Variants in HTR7 observed in about 807,000 individuals in gnomAD.
The protein encoded by HTR7 is 5-HT-7.
A neutral mutation model predicts 34.0 loss-of-function variants in HTR7; 16 were observed. That is an observed-to-expected ratio of 0.47 (90% CI 0.32 to 0.71). The LOEUF is 0.71. Among genes scored for constraint, HTR7 ranks in the 30% least tolerant of loss-of-function variants. The pLI, the probability that HTR7 is intolerant of heterozygous loss-of-function variation, is 0.04. For synonymous variants in HTR7, 265 were observed against 260.2 expected (o/e 1.02, Z -0.18); for missense variants, 504 against 625.5 (o/e 0.81, Z 2.07).
chr10:90,831,330 G>A (rs368837056), intron 1 of HTR7, among the ~76,000 whole-genome samples: 2 of 152,106 alleles, frequency 1.3e-5, no homozygotes, highest in South Asian at 2.1e-4. Flanking sequence ...TCATGGTCTC[G>A]CTGACTCAGG....
chr10:90,778,934 C>T (rs1042962535), intron 1 of HTR7, among the ~76,000 whole-genome samples: 2 of 152,162 alleles, frequency 1.3e-5, no homozygotes, highest in Non-Finnish European at 2.9e-5. Flanking sequence ...CCTCAGGCAC[C>T]CTGACCTTTG....
At position 90,857,364 on chromosome 10, in the gene HTR7, A is replaced by G; in HGVS notation, c.308T>C (p.Val103Ala). ...CTTCTTGACGAAGCACACGGAGATC[A>G]CCACCAGGCAGTTGCCCGCGATCGT... ...LLTIAGNCLV[V>A]ISVCFVKKLR... The change falls in exon 1 of 4, where the codon GTG becomes GCG. Residue 103 changes from valine to alanine, a missense_variant. Physicochemically the swap from Val to Ala is moderately conservative, Grantham distance 64. This residue lies in a region of HTR7 where 154 missense variants were observed against 248.8 expected (regional missense o/e 0.62). Coordinates refer to ENST00000336152, the MANE Select transcript of HTR7 (RefSeq NM_019859.4). This position sits in a 1 kb window ranked among gnomAD's most constrained non-coding sequence, Gnocchi z 6.5. 6.2e-7 allele frequency: 1 copy of G among 1,614,058 alleles called. No homozygotes were observed.
intron 1 of HTR7, among the ~76,000 whole-genome samples, chr10:90,768,766 T>C (rs12762083): frequency 0.037 from 5,626 of 152,294 alleles, 169 homozygotes; most frequent in East Asian, 0.11. Flanking sequence ...TCATTCTTAT[T>C]CTCATGTCCA....
intron 1 of HTR7, among the ~76,000 whole-genome samples, chr10:90,814,437 T>C (rs1049647222): frequency 4.6e-5 from 7 of 152,190 alleles, no homozygotes; most frequent in Non-Finnish European, 7.3e-5. Flanking sequence ...CCGTAGCAAA[T>C]TGGCTGTTTC....
chr10:90,834,270 C>A (rs1405788352), intron 1 of HTR7, among the ~76,000 whole-genome samples: 2 of 152,170 alleles, frequency 1.3e-5, no homozygotes, highest in African/African-American at 4.8e-5. Context: ...TGCTCCTACC[C>A]TTGGAGTATC....
intron 1 of HTR7, among the ~76,000 whole-genome samples, chr10:90,843,963 A>C (rs1846370194): frequency 6.6e-6 from 1 of 152,254 alleles, no homozygotes. Flanking sequence ...GCTTTATTGG[A>C]ACACAGCCAC....
chr10:90,844,902 T>C (rs916657147), intron 1 of HTR7, among the ~76,000 whole-genome samples: 1 of 151,960 alleles, frequency 6.6e-6, no homozygotes, highest in East Asian at 1.9e-4. Context: ...CCCCAAGCAC[T>C]GGTATAAAGT....
rs1392171844 is a variant in HTR7 at position 90,743,601 on chromosome 10, C to A, written c.1385G>T (p.Trp462Leu). 6.2e-6 allele frequency: 10 copies of A among 1,613,434 alleles called. No individual in the cohort carries two copies. The highest frequency in any genetic ancestry group is 8.5e-6 in the Non-Finnish European group (10 of 1,179,482). Residue 462 changes from tryptophan to leucine, a missense_variant, in exon 3 of 4, where the codon TGG (tryptophan) becomes TTG (leucine). Trp to Leu is a moderately conservative substitution (Grantham distance 61). This residue lies in a region of HTR7 where 154 missense variants were observed against 212.1 expected (regional missense o/e 0.73). Transcript: ENST00000336152. ...WVLQSPDHHNWLADKMLTTVE... is the reference protein window; with the variant it reads ...WVLQSPDHHNLLADKMLTTVE... ...CTTTCCTTGCTACCCACCTGCTAAC[C>A]AATTGTGATGGTCTGGAGATTGTAG...
At chr10:90,853,532 A>T (rs548963635) in intron 1 of HTR7, among the ~76,000 whole-genome samples, 8 of 149,310 alleles carry the variant, frequency 5.4e-5, no homozygotes, top group Admixed American at 1.3e-4. Context: ...CTTGAACTCC[A>T]GGGCTCCAGC....
chr10:90,854,103 C>T (rs1373088058), intron 1 of HTR7, among the ~76,000 whole-genome samples: 1 of 152,236 alleles, frequency 6.6e-6, no homozygotes, highest in Non-Finnish European at 1.5e-5. Flanking sequence ...TGGTGGCTCA[C>T]GCCTGTAATC....
chr10:90,758,130 G>A (rs909141947), intron 1 of HTR7, among the ~76,000 whole-genome samples: 2 of 151,878 alleles, frequency 1.3e-5, no homozygotes, highest in Non-Finnish European at 2.9e-5. Context: ...GGCGGATCAC[G>A]AGGTTAGGAG....
At chr10:90,750,353 G>C (rs944351906) in intron 1 of HTR7, among the ~76,000 whole-genome samples, 33 of 152,108 alleles carry the variant, frequency 2.2e-4, no homozygotes, top group Non-Finnish European at 4.1e-4. Flanking sequence ...TCTGTGCTTA[G>C]TTCTATAGAG....
intron 1 of HTR7, among the ~76,000 whole-genome samples, chr10:90,852,833 T>C (rs546931774): frequency 6.6e-6 from 1 of 152,274 alleles, no homozygotes; most frequent in South Asian, 2.1e-4. Context: ...GGACAATGGT[T>C]CCCTTTGCAA....
At chr10:90,744,325 C>T (rs1390496803) in intron 2 of HTR7, among the ~76,000 whole-genome samples, 1 of 151,024 alleles carries the variant, frequency 6.6e-6, no homozygotes, top group Admixed American at 6.6e-5. Context: ...TTCTACCCTA[C>T]CATGCCTGGT....
intron 1 of HTR7, among the ~76,000 whole-genome samples, chr10:90,833,791 T>C (rs949210180): frequency 6.6e-6 from 1 of 152,220 alleles, no homozygotes; most frequent in Admixed American, 6.5e-5. Context: ...ATTGGGAAGA[T>C]TGTTCATTTT....
chr10:90,844,771 T>G, intron 1 of HTR7, among the ~76,000 whole-genome samples: 1 of 125,392 alleles, frequency 8.0e-6, no homozygotes, highest in African/African-American at 3.0e-5. Context: ...AAAAGATCAG[T>G]CTGGCTCAGG....
At position 90,746,127 on chromosome 10, in the gene HTR7, G is replaced by A. The variant is rs117505270; in HGVS notation, c.1296-2437C>T. Among the ~76,000 whole-genome samples the A allele has an allele frequency of 6.2e-3, 937 of 152,172 alleles. 4 individuals are homozygous for A. The highest frequency in any genetic ancestry group is 8.0e-3 in the Non-Finnish European group (546 of 67,990). On this transcript the variant is annotated intron_variant, in intron 2 of 3. Coordinates refer to ENST00000336152, the MANE Select transcript of HTR7 (RefSeq NM_019859.4). ...GGGGGAAATCATTTGACTTCTCCAC[G>A]CCCTTGTTTTGTTATTTTCAGAATG...
chr10:90,805,041 T>C (rs1003348016), intron 1 of HTR7, among the ~76,000 whole-genome samples: 1 of 152,238 alleles, frequency 6.6e-6, no homozygotes. Context: ...CACTGTTTTA[T>C]ATTGCATTAC....
In HTR7 at chr10:90,749,621, A is replaced by G. The variant is rs750535487; in HGVS notation, c.540-27T>C. On this transcript the variant is annotated intron_variant, in intron 1 of 3. Transcript: ENST00000336152. The surrounding 1 kb of genome is among the most constrained non-coding windows in gnomAD (Gnocchi z 4.2). ...TAGTGGAGAGATGGAAAGATAACAG[A>G]TGAACACCGTGATCATAACTGGTCA... 1 of 1,578,726 alleles carries G rather than the reference A, an allele frequency of 6.3e-7. No homozygotes were observed. The highest frequency in any genetic ancestry group is 8.6e-7 in the Non-Finnish European group (1 of 1,160,972).
Sources: gnomAD v4.1 joint callset for allele counts (sites outside exome capture counted in the v4.1 genomes callset) on GRCh38, gnomAD v4.1.1 for gene constraint, gnomAD v4.1.1 regional missense constraint, Gnocchi (gnomAD v3.1) non-coding constraint, MANE v1.5 for transcripts, NCBI Gene and HGNC (gene_info 2026-07-23, HGNC 2026-07-21) for gene names.